MAPK10: variants seen among roughly 807,000 people sequenced by gnomAD.
MAPK10 encodes mitogen-activated protein kinase 10.
MAPK10 carries 25 observed loss-of-function variants against 59.3 expected under a neutral mutation model. That is an observed-to-expected ratio of 0.42 (90% CI 0.31 to 0.59). The LOEUF is 0.59. MAPK10 is among the 20% of genes least tolerant of loss of function. MAPK10 has a pLI of 0.15. For synonymous variants in MAPK10, 190 were observed against 200.5 expected (o/e 0.95, Z 0.44); for missense variants, 351 against 568.9 (o/e 0.62, Z 3.90).
In MAPK10 at chr4:86,271,511, G is replaced by A. The variant is rs58899653; in HGVS notation, c.-6-77104C>T. ...GGTTTGTTACCTGGGTATATTCTGT[G>A]ATGCTAAGGTTTGGGGTACAAATGA... On this transcript the variant is annotated intron_variant, in intron 2 of 13. Coordinates refer to ENST00000641462, the MANE Select transcript of MAPK10 (RefSeq NM_138982.4). 1.7e-3 allele frequency among the ~76,000 whole-genome samples: 263 copies of A among 152,050 alleles called. 1 individual carries two copies. Among genetic ancestry groups the A allele is most frequent in the Middle Eastern group, 0.01 (3 of 294 alleles).
intron 4 of MAPK10, among the ~76,000 whole-genome samples, chr4:86,156,940 T>C (rs1270736279): frequency 6.6e-6 from 1 of 152,064 alleles, no homozygotes; most frequent in Admixed American, 6.6e-5. Flanking sequence ...TTCTCATTGT[T>C]TCTGCTTCAA....
At chr4:86,566,890 G>A (rs1578135553) in intron 1 of MAPK10, among the ~76,000 whole-genome samples, 2 of 152,030 alleles carry the variant, frequency 1.3e-5, no homozygotes, top group Admixed American at 6.5e-5. Context: ...GCAACATGGC[G>A]AAACCCCGTC....
chr4:86,555,420 T>G (rs1760186433), intron 1 of MAPK10, among the ~76,000 whole-genome samples: 1 of 152,192 alleles, frequency 6.6e-6, no homozygotes, highest in Non-Finnish European at 1.5e-5. Context: ...CACTCTAGCC[T>G]GGGTGACAGA....
Position 86,238,203 on chromosome 4 carries a change from A to T in MAPK10, c.-6-43796T>A, listed in dbSNP as rs578152128. Among the ~76,000 whole-genome samples, 3 of 152,228 alleles carry T rather than the reference A, an allele frequency of 2.0e-5. No homozygotes were observed. The East Asian group carries it at 5.8e-4, about 29-fold the overall frequency. Reference sequence around the variant, plus strand: ...AGTCTCTGTTCTGCTCTATTGGTCTATATGTCTGTTTTTGTACCAATACCA... The same window carrying T: ...AGTCTCTGTTCTGCTCTATTGGTCTTTATGTCTGTTTTTGTACCAATACCA... On this transcript the variant is annotated intron_variant, in intron 2 of 13. Coordinates refer to ENST00000641462, the MANE Select transcript of MAPK10 (RefSeq NM_138982.4).
At chr4:86,282,476 A>G (rs1398182089) in intron 2 of MAPK10, among the ~76,000 whole-genome samples, 2 of 152,196 alleles carry the variant, frequency 1.3e-5, no homozygotes, top group Non-Finnish European at 2.9e-5. Flanking sequence ...ACTGCAAACT[A>G]GCCAGAAAAA....
intron 1 of MAPK10, among the ~76,000 whole-genome samples, chr4:86,446,414 C>T (rs1750047991): frequency 6.6e-6 from 1 of 152,116 alleles, no homozygotes; most frequent in Non-Finnish European, 1.5e-5. Flanking sequence ...GAGAGTCTCA[C>T]CATGTTGCTC....
At chr4:86,296,137 C>T (rs1194128575) in intron 2 of MAPK10, among the ~76,000 whole-genome samples, 3 of 148,698 alleles carry the variant, frequency 2.0e-5, no homozygotes, top group African/African-American at 7.5e-5. Context: ...GATTGTGCCA[C>T]TGCACTCCAG....
intron 2 of MAPK10, among the ~76,000 whole-genome samples, chr4:86,230,750 A>G (rs1455437374): frequency 1.3e-5 from 2 of 152,216 alleles, no homozygotes; most frequent in Non-Finnish European, 2.9e-5. Context: ...TTAGCAAAAT[A>G]TTACAACTTC....
chr4:86,365,853 T>C (rs1578922281), intron 1 of MAPK10, among the ~76,000 whole-genome samples: 1 of 147,930 alleles, frequency 6.8e-6, no homozygotes, highest in African/African-American at 2.5e-5. Context: ...CTATCAATCA[T>C]AAGAGTTTTT....
At chr4:86,245,173 G>C (rs930831241) in intron 2 of MAPK10, among the ~76,000 whole-genome samples, 1 of 152,056 alleles carries the variant, frequency 6.6e-6, no homozygotes, top group East Asian at 1.9e-4. Flanking sequence ...TTTTAGTCCT[G>C]TACATGTCAT....
chr4:86,575,460 G>C (rs1761813613), intron 1 of MAPK10, among the ~76,000 whole-genome samples: 1 of 152,094 alleles, frequency 6.6e-6, no homozygotes, highest in African/African-American at 2.4e-5. Flanking sequence ...ATTTGGTCCT[G>C]ATTTTTAAAA....
intron 1 of MAPK10, among the ~76,000 whole-genome samples, chr4:86,512,895 T>C (rs546097113): frequency 6.6e-6 from 1 of 152,284 alleles, no homozygotes; most frequent in East Asian, 1.9e-4. Context: ...TCTTCATTCC[T>C]CAGACAGCTT....
chr4:86,354,520 G>A lies in MAPK10; in HGVS notation c.-7+10C>T, dbSNP rs1733428504. ...TCATGCTAAGGAATATTTTTAAATT[G>A]GCAACTCACCACAGCTTGTATGGTT... On this transcript the variant is annotated intron_variant, in intron 2 of 13. Transcript: ENST00000641462. The A allele has an allele frequency of 8.6e-7, 1 of 1,165,434 alleles. No individual in the cohort carries two copies. The highest frequency in any genetic ancestry group is 4.2e-5 in the Admixed American group (1 of 23,590). 72.2% of individuals were successfully genotyped at this position (1,165,434 alleles called of 1,614,324 possible).
intron 1 of MAPK10, among the ~76,000 whole-genome samples, chr4:86,388,996 A>G (rs999582683): frequency 1.3e-5 from 2 of 152,216 alleles, no homozygotes; most frequent in Non-Finnish European, 2.9e-5. Flanking sequence ...AATATGTGAT[A>G]TGGTTCAGAT....
chr4:86,420,616 C>T (rs1031500197), intron 1 of MAPK10, among the ~76,000 whole-genome samples: 2 of 151,714 alleles, frequency 1.3e-5, no homozygotes, highest in African/African-American at 4.8e-5. Context: ...GGCAAGACAC[C>T]AACTCTACAA....
intron 2 of MAPK10, among the ~76,000 whole-genome samples, chr4:86,335,791 AG>A (rs1459337651): frequency 6.6e-6 from 1 of 152,190 alleles, no homozygotes; most frequent in African/African-American, 2.4e-5. Flanking sequence ...AAGTGTAAGC[AG>A]GGGAAATGCC....
At chr4:86,021,277 C>T (rs1483225737) in intron 13 of MAPK10, among the ~76,000 whole-genome samples, 1 of 152,152 alleles carries the variant, frequency 6.6e-6, no homozygotes, top group Non-Finnish European at 1.5e-5. Flanking sequence ...TCCAAGGCCC[C>T]ACCAGAGCAG....
intron 4 of MAPK10, among the ~76,000 whole-genome samples, chr4:86,109,561 G>A (rs570500723): frequency 1.3e-5 from 2 of 152,202 alleles, no homozygotes; most frequent in Non-Finnish European, 2.9e-5. Context: ...CAAAGGACAA[G>A]ATGTCATTCC....
chr4:86,043,520 A>C (rs1417883862), intron 11 of MAPK10, among the ~76,000 whole-genome samples: 1 of 152,190 alleles, frequency 6.6e-6, no homozygotes, highest in Non-Finnish European at 1.5e-5. Context: ...CTATAAAGCT[A>C]TAAGTCATAC....
Sources: gnomAD v4.1 joint callset for allele counts (sites outside exome capture counted in the v4.1 genomes callset) on GRCh38, gnomAD v4.1.1 for gene constraint, MANE v1.5 for transcripts, NCBI Gene and HGNC (gene_info 2026-07-23, HGNC 2026-07-21) for gene names.